The following SOX5 variants were observed in gnomAD, a reference collection of about 807,000 sequenced individuals.
SOX5 encodes SRY-box transcription factor 5.
In SOX5, 9 loss-of-function variants were observed where a neutral mutation model predicts 92.0. The observed-to-expected ratio is 0.10, with a 90% CI of 0.06 to 0.17. SOX5 has a LOEUF of 0.17. SOX5 is among the 10% of genes least tolerant of loss of function. The pLI is 1.00. For missense variants in SOX5, 642 were observed against 944.5 expected (o/e 0.68, Z 4.20); for synonymous variants, 344 against 336.3 (o/e 1.02, Z -0.25).
At chr12:23,811,483 C>CT (rs2095874310) in intron 3 of SOX5, among the ~76,000 whole-genome samples, 1 of 152,058 alleles carries the variant, frequency 6.6e-6, no homozygotes, top group South Asian at 2.1e-4. Flanking sequence ...ATTAAGGCTC[C>CT]TTGCTTCTTA....
chr12:23,857,057 A>G (rs2096700569), intron 2 of SOX5, among the ~76,000 whole-genome samples: 1 of 152,208 alleles, frequency 6.6e-6, no homozygotes. Context: ...ATAAGTGAAG[A>G]GGAAAAGATA....
intron 4 of SOX5, among the ~76,000 whole-genome samples, chr12:24,029,589 G>A (rs1230517983): frequency 6.6e-6 from 1 of 150,610 alleles, no homozygotes; most frequent in Non-Finnish European, 1.5e-5. Flanking sequence ...TTAATCTTTA[G>A]ATAGAACTCA....
At chr12:23,918,742 C>A in intron 1 of SOX5, among the ~76,000 whole-genome samples, 1 of 151,456 alleles carries the variant, frequency 6.6e-6, no homozygotes, top group East Asian at 1.9e-4. Context: ...CGTGGTGAAA[C>A]CCCGTCTCTA....
At chr12:24,013,185 T>C (rs1953160640) in intron 4 of SOX5, among the ~76,000 whole-genome samples, 4 of 152,186 alleles carry the variant, frequency 2.6e-5, no homozygotes, top group Admixed American at 1.3e-4. Flanking sequence ...GGACTGACTC[T>C]GCAGACAGAT....
At chr12:23,838,060 TTA>T (rs1326182690) in intron 3 of SOX5, among the ~76,000 whole-genome samples, 13 of 84,894 alleles carry the variant, frequency 1.5e-4, no homozygotes, top group African/African-American at 5.9e-4. Context: ...ATATTTATAC[TTA>T]TATATATTAT....
chr12:23,783,629 A>G (rs2095324422), intron 3 of SOX5, among the ~76,000 whole-genome samples: 1 of 152,244 alleles, frequency 6.6e-6, no homozygotes, highest in Admixed American at 6.5e-5. Flanking sequence ...TGTTGCAAAT[A>G]AAGAAGCAAA....
chr12:24,048,876 G>T (rs1159946477), intron 4 of SOX5, among the ~76,000 whole-genome samples: 2 of 152,030 alleles, frequency 1.3e-5, no homozygotes, highest in Non-Finnish European at 2.9e-5. Flanking sequence ...GAAAAATAAG[G>T]AGTGACTGTT....
intron 3 of SOX5, among the ~76,000 whole-genome samples, chr12:24,228,588 T>TAGGG (rs1375288597): frequency 1.3e-5 from 2 of 152,168 alleles, no homozygotes; most frequent in African/African-American, 2.4e-5. Flanking sequence ...AACTCAACCC[T>TAGGG]GCAAGCTGGC....
intron 1 of SOX5, among the ~76,000 whole-genome samples, chr12:24,392,385 C>T (rs1959082904): frequency 6.6e-6 from 1 of 152,108 alleles, no homozygotes; most frequent in Non-Finnish European, 1.5e-5. Context: ...CACCCTAACG[C>T]CCCCACCAGC....
chr12:23,709,895 A>T (rs1246598251), intron 6 of SOX5, among the ~76,000 whole-genome samples: 2 of 152,214 alleles, frequency 1.3e-5, no homozygotes, highest in Non-Finnish European at 2.9e-5. Context: ...TATTAATTCT[A>T]GTGTTATTAG....
At position 23,543,227 on chromosome 12, in the gene SOX5, G is replaced by A. The variant is rs1942463081; in HGVS notation, c.1755C>T (p.Asn585=). Residue 585 remains asparagine, a synonymous_variant, in exon 13 of 15, where the codon AAC becomes AAT. Transcript: ENST00000451604. Reference sequence around the variant, plus strand: ...TTTTCTTACCCAATATCTTGCTGATGTTGGAGTTGTGCATGTCAGGAAAGG... The same window carrying A: ...TTTTCTTACCCAATATCTTGCTGATATTGGAGTTGTGCATGTCAGGAAAGG... ...LQAFPDMHNS[N]ISKILGSRWK... is the part of the protein sequence containing the mutation. 6.2e-7 allele frequency: 1 copy of A among 1,612,812 alleles called. No individual in the cohort carries two copies. Among genetic ancestry groups the A allele is most frequent in the South Asian group, 1.1e-5 (1 of 91,002 alleles).
At chr12:23,736,507 C>G (rs1290452005) in intron 5 of SOX5, among the ~76,000 whole-genome samples, 1 of 151,800 alleles carries the variant, frequency 6.6e-6, no homozygotes, top group African/African-American at 2.4e-5. Context: ...ACCTGAAAGT[C>G]AAAAATTCAG....
At chr12:23,706,055 A>G (rs1057038410) in intron 6 of SOX5, among the ~76,000 whole-genome samples, 13 of 151,982 alleles carry the variant, frequency 8.6e-5, no homozygotes, top group African/African-American at 3.1e-4. Context: ...AGTGAGATTA[A>G]TGACATGGTT....
intron 4 of SOX5, among the ~76,000 whole-genome samples, chr12:24,009,901 G>A (rs1045480414): frequency 2.6e-5 from 4 of 152,070 alleles, no homozygotes; most frequent in Non-Finnish European, 5.9e-5. Context: ...AAAATTTAAG[G>A]AGGGACAATG....
At chr12:24,067,892 C>G (rs1258053875) in intron 4 of SOX5, among the ~76,000 whole-genome samples, 1 of 152,226 alleles carries the variant, frequency 6.6e-6, no homozygotes, top group Non-Finnish European at 1.5e-5. Flanking sequence ...CGCCTGTAAT[C>G]CCAGCACTAT....
chr12:24,159,468 A>T (rs1229986806), intron 4 of SOX5, among the ~76,000 whole-genome samples: 1 of 151,994 alleles, frequency 6.6e-6, no homozygotes, highest in East Asian at 1.9e-4. Flanking sequence ...TAACTTTGAG[A>T]TCTTGTGTTT....
rs1475570374 is a variant in SOX5 at position 23,846,006 on chromosome 12, T to G, written c.458A>C (p.Glu153Ala). The change falls in exon 3 of 15, where the codon GAG (glutamate) becomes GCG (alanine). Residue 153 changes from glutamate (E) to alanine (A), a missense_variant. Physicochemically the swap from Glu to Ala is moderately radical, Grantham distance 107. Around this residue, in one of 8 missense-constraint regions of SOX5, gnomAD observed 324 missense variants for 461.6 expected, o/e 0.70. Coordinates refer to ENST00000451604, the MANE Select transcript of SOX5 (RefSeq NM_006940.6). ...ACCTTCCGGCTCGTTTTTGATGAGCTCTTCCATTTTCCTCTGCTTCAAGGT... is the reference window on the plus strand; with the variant it reads ...ACCTTCCGGCTCGTTTTTGATGAGCGCTTCCATTTTCCTCTGCTTCAAGGT... The part of the protein sequence containing the change: ...VDTLKQRKME[E>A]LIKNEPEETP... 1 of 1,614,076 alleles carries G rather than the reference T, an allele frequency of 6.2e-7. No homozygotes were observed. The highest frequency in any genetic ancestry group is 1.7e-5 in the Admixed American group (1 of 60,006).
chr12:24,253,061 G>A (rs1940460764), intron 3 of SOX5, among the ~76,000 whole-genome samples: 1 of 151,918 alleles, frequency 6.6e-6, no homozygotes, highest in South Asian at 2.1e-4. Flanking sequence ...CTTCAGCTAG[G>A]AAACAAGAGA....
chr12:24,439,036 T>C (rs138054768), intron 1 of SOX5, among the ~76,000 whole-genome samples: 3 of 152,330 alleles, frequency 2.0e-5, no homozygotes, highest in Non-Finnish European at 4.4e-5. Context: ...GCAAACTTTA[T>C]TGTTGTCTTA....
Sources: allele counts gnomAD v4.1 joint callset (sites outside exome capture counted in the v4.1 genomes callset), GRCh38; gene constraint gnomAD v4.1.1; regional missense constraint gnomAD v4.1.1; transcripts MANE v1.5; gene names NCBI Gene and HGNC (gene_info 2026-07-23, HGNC 2026-07-21).